NXT2: variants seen among roughly 807,000 people sequenced by gnomAD.
NXT2 encodes the protein NTF2-related export protein 2.
NXT2 carries 1 observed loss-of-function variant against 9.6 expected under a neutral mutation model. The ratio of observed to expected loss-of-function variants is 0.10; its 90% CI spans 0.04 to 0.49. The LOEUF (loss-of-function observed/expected upper bound fraction) is 0.49, where lower values mean the gene tolerates loss of function less well. Among genes scored for constraint, NXT2 ranks in the 20% least tolerant of loss-of-function variants. NXT2 has a pLI of 0.95. For synonymous variants in NXT2, 22 were observed against 35.4 expected, an observed-to-expected ratio of 0.62 and a Z score of 1.34; for missense variants, 48 against 100.3, an observed-to-expected ratio of 0.48 and a Z score of 2.23.
At position 109,536,875 on chromosome X, in the gene NXT2, G is replaced by A. The variant is rs1451507674; in HGVS notation, c.-132G>A. On this transcript the variant is annotated 5_prime_UTR_variant, in exon 1 of 4. Coordinates refer to ENST00000372106, the MANE Select transcript of NXT2 (RefSeq NM_001242617.2). ...AGCTACTTCCGGGAGAGAATGGGAG[G>A]GTGGAAAATTTTGTGCGTTTGGCGG... 5.1e-6 allele frequency: 6 copies of A among 1,180,138 alleles called. No homozygotes were observed. Among genetic ancestry groups the A allele is most frequent in the Non-Finnish European group, 6.8e-6 (6 of 876,852 alleles).
At chrX:109,537,559 CGTGTGT>C (rs111431650) in intron 1 of NXT2, 1,633 of 120,493 alleles carry the variant, frequency 0.014, 28 homozygotes, top group African/African-American at 0.054. Context: ...GAACTACTTT[CGTGTGT>C]GTGTGTGTGT....
In NXT2 at chrX:109,542,731, A is replaced by G. The variant is rs1933446988; in HGVS notation, c.*43A>G. 3.2e-6 allele frequency: 3 copies of G among 932,771 alleles called. No individual in the cohort carries two copies. The highest frequency in any genetic ancestry group is 4.0e-5 in the African/African-American group (2 of 50,050). The allele number at this position is 932,771 out of a possible 1,213,427, so 76.9% of individuals were successfully genotyped here. A position where few individuals can be genotyped will look rare whatever the true frequency, so the allele number is the denominator to read the frequency against. On this transcript the variant is annotated 3_prime_UTR_variant, in exon 4 of 4. Coordinates refer to ENST00000372106, the MANE Select transcript of NXT2 (RefSeq NM_001242617.2). ...CTCATTTGGTCCATTAGTTCCAGCA[A>G]TTGAAATTTATGTGAATTATTTTGA...
intron 3 of NXT2, 104 bp downstream of exon 3, chrX:109,541,723 T>A: frequency 1.6e-6 from 1 of 639,885 alleles, no homozygotes; most frequent in Non-Finnish European, 2.3e-6. Flanking sequence ...AACTATTTAC[T>A]TACTTGAGCA....
chrX:109,540,068 C>A (rs2147307211), intron 2 of NXT2, among the ~76,000 whole-genome samples: 1 of 111,700 alleles, frequency 9.0e-6, no homozygotes, highest in South Asian at 3.7e-4. Context: ...GTTTTCCCAG[C>A]ACCATTTATT....
intron 1 of NXT2, chrX:109,537,264 T>A (rs1933300271): frequency 1.0e-6 from 1 of 988,170 alleles, no homozygotes; most frequent in East Asian, 4.1e-5. Context: ...GAGGCGGGGA[T>A]GTTGGGGTTT....
upstream of NXT2, chrX:109,536,127 CGTAGGCAGATTTTACA>C (rs1933268995): frequency 1.6e-5 from 7 of 426,292 alleles, no homozygotes; most frequent in East Asian, 2.4e-4. Context: ...AGTTTGTGAC[CGTAGGCAGATTTTACA>C]GTCTTAGCTG....
intron 2 of NXT2, 85 bp from the exon 3 acceptor site, chrX:109,541,390 A>C: frequency 1.2e-6 from 1 of 859,499 alleles, no homozygotes; most frequent in Non-Finnish European, 1.6e-6. Flanking sequence ...TTTATATACC[A>C]TCTGTAATAT....
At position 109,538,081 on chromosome X, in the gene NXT2, G is replaced by A; in HGVS notation, c.52G>A (p.Ala18Thr). 8.3e-7 allele frequency: 1 copy of A among 1,202,992 alleles called. No individual in the cohort carries two copies. The change falls in exon 2 of 4, where the codon GCT (alanine) becomes ACT (threonine). Residue 18 changes from alanine to threonine, a missense_variant. Transcript: ENST00000372106. ...KTYVDQACRA[A>T]EEFVNIYYET... ...TTATGTAGATCAGGCATGTAGAGCT[G>A]CTGAGGAGTTTGTCAATATTTACTA... is the stretch of plus-strand genomic sequence containing the variant.
At chrX:109,541,674 G>A (rs1441171360) in intron 3 of NXT2, 55 bp downstream of exon 3, 5 of 968,605 alleles carry the variant, frequency 5.2e-6, no homozygotes, top group African/African-American at 1.9e-5. Flanking sequence ...TAAGCACTGA[G>A]CTTTTACACC....
At chrX:109,539,884 C>G (rs1328235914) in intron 2 of NXT2, among the ~76,000 whole-genome samples, 1 of 111,770 alleles carries the variant, frequency 8.9e-6, no homozygotes, top group Non-Finnish European at 1.9e-5. Context: ...TTTTTATTGC[C>G]ATTGCTTTTG....
upstream of NXT2, chrX:109,536,761 G>A: frequency 1.1e-6 from 1 of 893,082 alleles, no homozygotes; most frequent in Non-Finnish European, 1.5e-6. Context: ...TATCAAACAA[G>A]TAGATAAGGT....
upstream of NXT2, chrX:109,536,115 C>G (rs1156648733): frequency 6.5e-6 from 3 of 458,155 alleles, no homozygotes; most frequent in African/African-American, 7.4e-5. Context: ...TGAATCTCAA[C>G]TAGTTTGTGA....
upstream of NXT2, chrX:109,535,831 G>A (rs1181189402): frequency 6.3e-6 from 6 of 955,229 alleles, no homozygotes; most frequent in Admixed American, 2.9e-5. Context: ...AGAAGCTTCC[G>A]TTAGTCCTAC....
chrX:109,539,538 G>T (rs974086702), intron 2 of NXT2, among the ~76,000 whole-genome samples: 5 of 108,624 alleles, frequency 4.6e-5, no homozygotes, highest in Non-Finnish European at 7.6e-5. Context: ...AGCATCTGTT[G>T]TTTCCTGACT....
rs1217315034 is a variant in NXT2, at chrX:109,540,930, T to TA, written c.103-539dup. 1.3e-4 allele frequency among the ~76,000 whole-genome samples: 14 copies of TA among 111,866 alleles called. 1 individual carries two copies. Among genetic ancestry groups the TA allele is most frequent in the Admixed American group, 2.9e-4 (3 of 10,485 alleles). On this transcript the variant is annotated intron_variant, in intron 2 of 3. Coordinates refer to ENST00000372106, the MANE Select transcript of NXT2 (RefSeq NM_001242617.2). The stretch of plus-strand genomic sequence containing the variant: ...GAGCAGGACCCTGTCTCAATTTTTT[T>TA]AAAAAACAGAATAATTTTTAAGAAA...
intron 2 of NXT2, 67 bp from the exon 3 acceptor site, chrX:109,541,408 C>T (rs1933415886): frequency 2.1e-6 from 2 of 965,803 alleles, no homozygotes; most frequent in Non-Finnish European, 2.8e-6. Context: ...TATTTTAATC[C>T]ATTTCTATAA....
At chrX:109,538,249 T>A (rs1933330939) in intron 2 of NXT2, 118 bp downstream of exon 2, 1 of 456,706 alleles carries the variant, frequency 2.2e-6, no homozygotes, top group Non-Finnish European at 3.6e-6. Flanking sequence ...GATTTACTCT[T>A]TAAAAGCAAA....
chrX:109,537,947 A>G lies in NXT2; in HGVS notation c.16-98A>G, dbSNP rs752129231. On this transcript the variant is annotated intron_variant, in intron 1 of 3. Coordinates refer to ENST00000372106, the MANE Select transcript of NXT2 (RefSeq NM_001242617.2). Reference sequence around the variant, plus strand: ...GAATGTGGACTGTATATAGAGCTACATAGTGGTTGAAATAAATCATCAGCT... The same window carrying G: ...GAATGTGGACTGTATATAGAGCTACGTAGTGGTTGAAATAAATCATCAGCT... 7.3e-6 allele frequency: 4 copies of G among 549,509 alleles called. No homozygotes were observed. In the Admixed American group the frequency reaches 8.0e-5, roughly 11 times the overall value. The allele number at this position is 549,509 out of a possible 1,213,427, so 45.3% of individuals were successfully genotyped here.
chrX:109,535,928 T>C (rs1230739027), upstream of NXT2: 1 of 1,206,976 alleles, frequency 8.3e-7, no homozygotes, highest in South Asian at 1.8e-5. Flanking sequence ...CAGAGAAGGA[T>C]ACCAAAGAAG....
Sources: gnomAD v4.1 joint callset for allele counts (sites outside exome capture counted in the v4.1 genomes callset) on GRCh38, gnomAD v4.1.1 for gene constraint, MANE v1.5 for transcripts, NCBI Gene and HGNC (gene_info 2026-07-23, HGNC 2026-07-21) for gene names.